SEC23A: variants seen among roughly 807,000 people sequenced by gnomAD.
The protein encoded by SEC23A is SEC23 homolog A, COPII component, also known as protein transport protein Sec23A.
Under a neutral mutation model 103.7 loss-of-function variants are expected in SEC23A, and 56 were observed. The observed-to-expected ratio is 0.54, with a 90% confidence interval of 0.44 to 0.67. The LOEUF (loss-of-function observed/expected upper bound fraction) is 0.67, where lower values mean the gene tolerates loss of function less well. Ranked by LOEUF, SEC23A falls within the 30% of genes least tolerant of loss-of-function variation. SEC23A has a pLI of 0.00. For synonymous variants in SEC23A, 281 were observed against 293.0 expected, an observed-to-expected ratio of 0.96 and a Z score of 0.42; for missense variants, 784 against 936.4, an observed-to-expected ratio of 0.84 and a Z score of 2.12.
chr14:39,046,610 AC>A (rs1468898160), intron 15 of SEC23A, among the ~76,000 whole-genome samples: 1 of 152,194 alleles, frequency 6.6e-6, no homozygotes, highest in Non-Finnish European at 1.5e-5. Context: ...TTAAAAAAAA[AC>A]AACCACATAT....
chr14:39,048,158 C>T (rs1885910458), intron 15 of SEC23A, among the ~76,000 whole-genome samples: 1 of 152,138 alleles, frequency 6.6e-6, no homozygotes, highest in South Asian at 2.1e-4. Flanking sequence ...TGACTATTTG[C>T]AAGGCCAATA....
intron 1 of SEC23A, among the ~76,000 whole-genome samples, chr14:39,102,819 G>A (rs1358282604): frequency 6.6e-6 from 1 of 152,176 alleles, no homozygotes; most frequent in African/African-American, 2.4e-5. Context: ...CTAATCCAGG[G>A]GAGCTGGAGG....
chr14:39,037,848 G>T (rs1885508640), intron 19 of SEC23A, among the ~76,000 whole-genome samples: 1 of 152,144 alleles, frequency 6.6e-6, no homozygotes, highest in Non-Finnish European at 1.5e-5. Flanking sequence ...GTCCTATTGA[G>T]TCTACTTTTA....
At chr14:39,074,640 AT>A (rs1886953881) in intron 8 of SEC23A, 110 bp from the exon 9 acceptor site, 1 of 671,038 alleles carries the variant, frequency 1.5e-6, no homozygotes, top group South Asian at 1.7e-5. Context: ...CATAATTTAA[AT>A]TATGATTAGT....
At chr14:39,036,408 C>G (rs1032251970) in intron 19 of SEC23A, among the ~76,000 whole-genome samples, 1 of 150,768 alleles carries the variant, frequency 6.6e-6, no homozygotes, top group Non-Finnish European at 1.5e-5. Flanking sequence ...ACCACTGCTG[C>G]AAAAGCGTTT....
chr14:39,050,787 T>C (rs1886028539), intron 14 of SEC23A, among the ~76,000 whole-genome samples: 1 of 145,940 alleles, frequency 6.9e-6, no homozygotes, highest in South Asian at 2.3e-4. Context: ...CAAGATCCCA[T>C]CTCAAAAGAA....
At chr14:39,097,477 A>C (rs1887927172) in intron 1 of SEC23A, among the ~76,000 whole-genome samples, 1 of 152,240 alleles carries the variant, frequency 6.6e-6, no homozygotes, top group Non-Finnish European at 1.5e-5. Context: ...CTAAAATTTA[A>C]GTGAAGAAAG....
chr14:39,093,009 GC>G (rs1368293045), intron 3 of SEC23A, 177 bp downstream of exon 3: 10 of 510,392 alleles, frequency 2.0e-5, no homozygotes, highest in Admixed American at 3.3e-5. Flanking sequence ...GACTACAGGC[GC>G]CTGCCACCAC....
intron 14 of SEC23A, among the ~76,000 whole-genome samples, chr14:39,051,094 T>C (rs1350827099): frequency 6.6e-6 from 1 of 152,230 alleles, no homozygotes; most frequent in Non-Finnish European, 1.5e-5. Flanking sequence ...TTTTGTAAGT[T>C]TTTTCCTAAT....
chr14:39,095,114 G>C, intron 2 of SEC23A: 1 of 640,314 alleles, frequency 1.6e-6, no homozygotes, highest in Non-Finnish European at 2.8e-6. Context: ...TATACTACCA[G>C]AGATGGAATA....
chr14:39,039,141 C>A (rs1179742088), intron 18 of SEC23A, 45 bp from the exon 19 acceptor site: 1 of 1,434,208 alleles, frequency 7.0e-7, no homozygotes, highest in African/African-American at 1.4e-5. Flanking sequence ...AAAATGGTTT[C>A]AGTCAATATC....
At chr14:39,092,397 C>T (rs1887693696) in intron 4 of SEC23A, 144 bp downstream of exon 4, 2 of 621,750 alleles carry the variant, frequency 3.2e-6, no homozygotes, top group Admixed American at 2.9e-5. Context: ...CCTGCTCAAA[C>T]TGACCTCAAC....
Position 39,087,485 on chromosome 14 carries a change from G to T in SEC23A, c.604-477C>A, listed in dbSNP as rs549475898. 3 of 187,460 alleles carry T rather than the reference G, an allele frequency of 1.6e-5. No homozygotes were observed. In the East Asian group the frequency reaches 4.3e-4, roughly 27 times the overall value. 11.6% of individuals were successfully genotyped at this position (187,460 alleles called of 1,614,324 possible). A position where few individuals can be genotyped will look rare whatever the true frequency, so the allele number is the denominator to read the frequency against. ...AAATAAATGTAAAATTGCAACAGTA[G>T]TAAATGTTAGGACTTGGGGAGTTAT... On this transcript the variant is annotated intron_variant, in intron 5 of 19. Transcript: ENST00000307712.
At chr14:39,084,527 C>T (rs562351769) in intron 7 of SEC23A, among the ~76,000 whole-genome samples, 2 of 152,248 alleles carry the variant, frequency 1.3e-5, no homozygotes, top group South Asian at 2.1e-4. Flanking sequence ...ACCCACTGTC[C>T]TATAACCTGA....
In SEC23A at chr14:39,095,893, C is replaced by G; in HGVS notation, c.221+5G>C. ...CACATTAGTTTTTCTATATATTTTA[C>G]TTACCATAAAGGATTCAAAACTGCA... On this transcript the variant is annotated splice_donor_5th_base_variant and intron_variant, in intron 2 of 19. Coordinates refer to ENST00000307712, the MANE Select transcript of SEC23A (RefSeq NM_006364.4). 6.3e-7 allele frequency: 1 copy of G among 1,590,336 alleles called. No homozygotes were observed.
At position 39,091,633 on chromosome 14, in the gene SEC23A, T is replaced by C. The variant is rs373276392; in HGVS notation, c.447A>G (p.Glu149=). 6.2e-7 allele frequency: 1 copy of C among 1,613,924 alleles called. No homozygotes were observed. Among genetic ancestry groups the C allele is most frequent in the African/African-American group, 1.3e-5 (1 of 74,928 alleles). ...AAAGACTTAATGACATCTGCATGGATTCTTTCAGGGCTTGTAAATCTTCAT... is the reference window on the plus strand; with the variant it reads ...AAAGACTTAATGACATCTGCATGGACTCTTTCAGGGCTTGTAAATCTTCAT... The part of the protein sequence containing the change: ...MEDEDLQALK[E]SMQMSLSLLP... The change falls in exon 5 of 20, where the codon GAA becomes GAG. Residue 149 remains glutamate, a synonymous_variant. Coordinates refer to ENST00000307712, the MANE Select transcript of SEC23A (RefSeq NM_006364.4).
In SEC23A at chr14:39,063,345, T is replaced by G; in HGVS notation, c.1377A>C (p.Ile459=). The change falls in exon 12 of 20, where the codon ATA becomes ATC. Residue 459 remains isoleucine (I), a synonymous_variant. Coordinates refer to ENST00000307712, the MANE Select transcript of SEC23A (RefSeq NM_006364.4). The part of the protein sequence containing the change: ...CGLSPTTTLA[I]YFEVVNQHNA... ...ATACCTGATTGACAACCTCAAAATA[T>G]ATGGCTAAGGTTGTAGTGGGACTAA... The G allele has an allele frequency of 6.2e-7, 1 of 1,609,550 alleles. No individual in the cohort carries two copies. The highest frequency in any genetic ancestry group is 8.5e-7 in the Non-Finnish European group (1 of 1,175,966).
intron 3 of SEC23A, chr14:39,092,891 T>C: frequency 8.0e-6 from 4 of 500,594 alleles, no homozygotes; most frequent in Admixed American, 3.5e-5. Flanking sequence ...TGAGACGGAG[T>C]CTTGCTCTGT....
intron 5 of SEC23A, chr14:39,088,172 CA>C (rs1426295766): frequency 6.6e-6 from 1 of 152,042 alleles, no homozygotes; most frequent in Non-Finnish European, 1.5e-5. Flanking sequence ...ATCTGGGGAG[CA>C]AAGGCCAGGC....
Sources: allele counts gnomAD v4.1 joint callset (sites outside exome capture counted in the v4.1 genomes callset), GRCh38; gene constraint gnomAD v4.1.1; transcripts MANE v1.5; gene names NCBI Gene and HGNC (gene_info 2026-07-23, HGNC 2026-07-21).